STAB2: variants seen among roughly 807,000 people sequenced by gnomAD.
STAB2 encodes the protein stabilin 2, also known as stabilin-2.
STAB2 carries 288 observed loss-of-function variants against 338.1 expected under a neutral mutation model. That is an observed-to-expected ratio of 0.85 (90% confidence interval 0.77 to 0.94). The LOEUF (loss-of-function observed/expected upper bound fraction) is 0.94. Among genes scored for constraint, STAB2 ranks in the 40% least tolerant of loss-of-function variants. The probability of loss-of-function intolerance (pLI) is 0.00; values close to 1 mark genes in which losing one functional copy is unlikely to be tolerated. For missense variants in STAB2, 3,141 were observed against 3,210.1 expected, an observed-to-expected ratio of 0.98 and a Z score of 0.52; for synonymous variants, 1,202 against 1,193.3, an observed-to-expected ratio of 1.01 and a Z score of -0.15.
chr12:103,679,430 C>T (rs1294570411), intron 25 of STAB2, among the ~76,000 whole-genome samples: 1 of 152,072 alleles, frequency 6.6e-6, no homozygotes, highest in Non-Finnish European at 1.5e-5. Context: ...AGTGGAACTG[C>T]TTAGCTAACA....
At chr12:103,660,105 A>G (rs922651384) in intron 15 of STAB2, among the ~76,000 whole-genome samples, 2 of 152,210 alleles carry the variant, frequency 1.3e-5, no homozygotes, top group African/African-American at 4.8e-5. Context: ...GGCTGTTGGG[A>G]GGATTAAATG....
chr12:103,610,908 A>G lies in STAB2; in HGVS notation c.332-9560A>G, dbSNP rs1350942804. 9.8e-5 allele frequency among the ~76,000 whole-genome samples: 15 copies of G among 152,318 alleles called. No homozygotes were observed. In the East Asian group the frequency reaches 2.9e-3, roughly 29 times the overall value. Reference sequence around the variant, plus strand: ...TTGTGTCTTTGTTCTCATTGGTTTCAAAGAACATCTTTATTTCTGCCTTCA... The same window carrying G: ...TTGTGTCTTTGTTCTCATTGGTTTCGAAGAACATCTTTATTTCTGCCTTCA... On this transcript the variant is annotated intron_variant, in intron 3 of 68. Transcript: ENST00000388887.
intron 15 of STAB2, among the ~76,000 whole-genome samples, chr12:103,660,095 G>A (rs946059669): frequency 4.6e-5 from 7 of 152,120 alleles, no homozygotes; most frequent in Non-Finnish European, 8.8e-5. Flanking sequence ...CACCTCACAC[G>A]GCTGTTGGGA....
At chr12:103,596,055 T>C (rs1469985841) in intron 3 of STAB2, among the ~76,000 whole-genome samples, 1 of 152,112 alleles carries the variant, frequency 6.6e-6, no homozygotes, top group Non-Finnish European at 1.5e-5. Flanking sequence ...TTTCTAAGAG[T>C]TTAGCAAATA....
chr12:103,688,543 G>A (rs1342098991), intron 28 of STAB2, among the ~76,000 whole-genome samples: 2 of 152,142 alleles, frequency 1.3e-5, no homozygotes, highest in South Asian at 2.1e-4. Flanking sequence ...CACCAAGTTC[G>A]ATTTGGGATT....
intron 53 of STAB2, 144 bp from the exon 54 acceptor site, chr12:103,739,268 T>G (rs978809297): frequency 4.3e-6 from 3 of 690,806 alleles, no homozygotes; most frequent in Non-Finnish European, 4.4e-6. Flanking sequence ...TCAGCCACCA[T>G]GCCTGGCCTG....
chr12:103,631,576 A>C (rs1399752736), intron 5 of STAB2, 22 bp from the exon 6 acceptor site: 42 of 1,610,696 alleles, frequency 2.6e-5, no homozygotes, highest in Non-Finnish European at 3.6e-5. Flanking sequence ...GGTAATAAAA[A>C]TCCCCCACTT....
chr12:103,670,650 A>G (rs779984056), intron 21 of STAB2, 46 bp from the exon 22 acceptor site: 1 of 1,468,836 alleles, frequency 6.8e-7, no homozygotes, highest in Admixed American at 1.7e-5. Context: ...AAAACACCTG[A>G]GAACTATGTG....
At chr12:103,751,936 TAGGCACAGTTAC>T (rs57733270) in intron 60 of STAB2, among the ~76,000 whole-genome samples, 30,976 of 152,140 alleles carry the variant, frequency 0.2, 3,504 homozygotes, top group Non-Finnish European at 0.25. Flanking sequence ...GCTTTCCCTA[TAGGCACAGTTAC>T]AGAACCATCC....
rs141886370 is a variant in STAB2, at chr12:103,732,283, G to A, written c.5283+648G>A. Among the ~76,000 whole-genome samples the A allele has an allele frequency of 7.3e-3, 1,113 of 152,186 alleles. 6 individuals are homozygous for A. Among genetic ancestry groups the A allele is most frequent in the Admixed American group, 0.01 (160 of 15,268 alleles). The stretch of plus-strand genomic sequence containing the variant: ...GAGATCGCACCACTGCACTCCAGCC[G>A]GGGTGACAGAGTGAGACTCCATCTC... On this transcript the variant is annotated intron_variant, in intron 50 of 68. Coordinates refer to ENST00000388887, the MANE Select transcript of STAB2 (RefSeq NM_017564.10).
intron 46 of STAB2, among the ~76,000 whole-genome samples, chr12:103,726,589 T>C (rs183374267): frequency 7.9e-4 from 120 of 152,306 alleles, no homozygotes; most frequent in African/African-American, 2.7e-3. Flanking sequence ...CCTGGATTTC[T>C]AGAATTTTCT....
chr12:103,608,622 C>A (rs1421609045), intron 3 of STAB2, among the ~76,000 whole-genome samples: 2 of 152,178 alleles, frequency 1.3e-5, no homozygotes, highest in East Asian at 3.8e-4. Flanking sequence ...AAAATGTTCT[C>A]CCATTCTGTA....
In STAB2 at chr12:103,745,243, G is replaced by A. The variant is rs34154098; in HGVS notation, c.6102G>A (p.Thr2034=). 1.2e-3 allele frequency: 1,863 copies of A among 1,613,892 alleles called. 17 individuals carry two copies. The African/African-American group carries it at 0.021, about 18-fold the overall frequency. ...GCTCCGGGCAGTGCCTCTGTGAAAC[G>A]GGGTGGACAGGCCCCTCGTGTGACA... ...ITGSGQCLCE[T]GWTGPSCDTQ... is the part of the protein sequence containing the mutation. The change falls in exon 57 of 69, where the codon ACG becomes ACA. Residue 2034 remains threonine (T), a synonymous_variant. Coordinates refer to ENST00000388887, the MANE Select transcript of STAB2 (RefSeq NM_017564.10).
At chr12:103,664,391 G>T (rs1874895089) in intron 18 of STAB2, among the ~76,000 whole-genome samples, 1 of 152,082 alleles carries the variant, frequency 6.6e-6, no homozygotes. Flanking sequence ...TGATCTGCCC[G>T]CCTCGGCCTC....
Position 103,713,729 on chromosome 12 carries a change from TGCAAA to T in STAB2, c.4502_4506del (p.Lys1501ArgfsTer5). The T allele has an allele frequency of 6.2e-7, 1 of 1,614,090 alleles. No individual in the cohort carries two copies. Among genetic ancestry groups the T allele is most frequent in the Non-Finnish European group, 8.5e-7 (1 of 1,179,950 alleles). Reference sequence around the variant, plus strand: ...CACCCCAGGAAGGCGAGTGTGCACGTGCAAAGCAGGCTACACGGGTGATGGCATTG... The same window carrying T: ...CACCCCAGGAAGGCGAGTGTGCACGTGCAGGCTACACGGGTGATGGCATTG... On this transcript the variant is annotated frameshift_variant, in exon 42 of 69. Transcript: ENST00000388887. LOFTEE classifies it high-confidence loss of function.
rs1437095312 is a variant in STAB2, at chr12:103,646,715, T to C, written c.1041-1975T>C. ...AAGGTTCCTAGAATTAAGAAGGTACTTAAATAATCAGTAAATAATCAGTTA... is the reference window on the plus strand; with the variant it reads ...AAGGTTCCTAGAATTAAGAAGGTACCTAAATAATCAGTAAATAATCAGTTA... On this transcript the variant is annotated intron_variant, in intron 9 of 68. Coordinates refer to ENST00000388887, the MANE Select transcript of STAB2 (RefSeq NM_017564.10). Among the ~76,000 whole-genome samples the C allele has an allele frequency of 3.3e-5, 5 of 152,344 alleles. No individual in the cohort carries two copies. In the East Asian group the frequency reaches 7.7e-4, roughly 23 times the overall value.
rs753172320 is a variant in STAB2 at position 103,640,229 on chromosome 12, G to T, written c.1013G>T (p.Cys338Phe). Residue 338 changes from cysteine (C) to phenylalanine (F), a missense_variant, in exon 9 of 69, where the codon TGC becomes TTC. Transcript: ENST00000388887. ...SDNPCHRNAN[C>F]TTVAPGRTEC... is the part of the protein sequence containing the mutation. ...AACCCGTGTCATAGGAATGCAAATTGCACCACCGTCGCACCAGGCCGAACT... is the reference window on the plus strand; with the variant it reads ...AACCCGTGTCATAGGAATGCAAATTTCACCACCGTCGCACCAGGCCGAACT... 7 of 1,613,448 alleles carry T rather than the reference G, an allele frequency of 4.3e-6. No homozygotes were observed. In the South Asian group the frequency reaches 7.7e-5, roughly 18 times the overall value.
At chr12:103,617,980 A>G (rs963319413) in intron 3 of STAB2, among the ~76,000 whole-genome samples, 2 of 152,212 alleles carry the variant, frequency 1.3e-5, no homozygotes, top group Non-Finnish European at 2.9e-5. Flanking sequence ...CTACAGATGG[A>G]TATGACTCCC....
chr12:103,643,055 T>C (rs1355970998), intron 9 of STAB2, among the ~76,000 whole-genome samples: 1 of 152,126 alleles, frequency 6.6e-6, no homozygotes, highest in Non-Finnish European at 1.5e-5. Flanking sequence ...TTCTGGAGGC[T>C]GGGAAGTCCA....
Sources: allele counts gnomAD v4.1 joint callset (sites outside exome capture counted in the v4.1 genomes callset), GRCh38; gene constraint gnomAD v4.1.1; transcripts MANE v1.5; gene names NCBI Gene and HGNC (gene_info 2026-07-23, HGNC 2026-07-21).